Variants in ZNF277 observed in about 807,000 individuals in gnomAD.
The protein encoded by ZNF277 is zinc finger protein 277, also known as nuclear receptor-interacting factor 4.
In ZNF277, 55 loss-of-function variants were observed where a neutral mutation model predicts 60.7. That is an observed-to-expected ratio of 0.91 (90% CI 0.73 to 1.13). ZNF277 has a LOEUF of 1.13. Among genes scored for constraint, ZNF277 ranks in the 50% most tolerant of loss-of-function variants. The probability of loss-of-function intolerance (pLI) is 0.00; values close to 1 mark genes in which losing one functional copy is unlikely to be tolerated. For synonymous variants in ZNF277, 178 were observed against 179.3 expected (o/e 0.99, Z 0.06); for missense variants, 510 against 523.0 (o/e 0.98, Z 0.24).
At chr7:112,303,686 T>A (rs1792530407) in intron 4 of ZNF277, among the ~76,000 whole-genome samples, 1 of 152,136 alleles carries the variant, frequency 6.6e-6, no homozygotes, top group African/African-American at 2.4e-5. Context: ...TAGTTTCTTG[T>A]GTGTTTAACT....
At chr7:112,210,625 C>T (rs1821718442) in intron 1 of ZNF277, among the ~76,000 whole-genome samples, 1 of 151,970 alleles carries the variant, frequency 6.6e-6, no homozygotes, top group Non-Finnish European at 1.5e-5. Flanking sequence ...GCGTGTGCCA[C>T]CATGCCCAGC....
chr7:112,291,707 C>G (rs1399209401), intron 2 of ZNF277, among the ~76,000 whole-genome samples: 1 of 152,128 alleles, frequency 6.6e-6, no homozygotes, highest in Non-Finnish European at 1.5e-5. Context: ...TCTGAATGCC[C>G]ATACCATCCG....
intron 1 of ZNF277, among the ~76,000 whole-genome samples, chr7:112,235,105 ATAG>A (rs1822452428): frequency 6.6e-6 from 1 of 151,936 alleles, no homozygotes; most frequent in South Asian, 2.1e-4. Flanking sequence ...GTTTTACATC[ATAG>A]TTAGAAAAAA....
intron 4 of ZNF277, among the ~76,000 whole-genome samples, chr7:112,305,306 G>GT (rs1341452520): frequency 6.6e-6 from 1 of 152,018 alleles, no homozygotes; most frequent in Non-Finnish European, 1.5e-5. Flanking sequence ...CTCTGGAATG[G>GT]TACTACAGGC....
At chr7:112,330,894 C>T (rs954589146) in intron 7 of ZNF277, among the ~76,000 whole-genome samples, 1 of 152,004 alleles carries the variant, frequency 6.6e-6, no homozygotes, top group African/African-American at 2.4e-5. Context: ...AGAGAGACTT[C>T]TATATATTCT....
In ZNF277 at chr7:112,310,381, C is replaced by T. The variant is rs569007070; in HGVS notation, c.466-7801C>T. The stretch of plus-strand genomic sequence containing the variant: ...GGGCCATCCGAATTCTCCACACAAA[C>T]CCTTTACCTGGTGTGTTTCCCTTGT... On this transcript the variant is annotated intron_variant, in intron 4 of 11. Coordinates refer to ENST00000361822, the MANE Select transcript of ZNF277 (RefSeq NM_021994.3). Among the ~76,000 whole-genome samples the T allele has an allele frequency of 2.6e-5, 4 of 151,692 alleles. No homozygotes were observed. The South Asian group carries it at 6.2e-4, about 24-fold the overall frequency.
At chr7:112,291,992 G>T (rs911797485) in intron 2 of ZNF277, among the ~76,000 whole-genome samples, 2 of 152,072 alleles carry the variant, frequency 1.3e-5, no homozygotes, top group African/African-American at 2.4e-5. Context: ...ACACTCAAAT[G>T]ACAACTTTGT....
intron 4 of ZNF277, among the ~76,000 whole-genome samples, chr7:112,310,711 A>C (rs60445595): frequency 0.23 from 34,200 of 151,660 alleles, 4,866 homozygotes; most frequent in African/African-American, 0.4. Flanking sequence ...TTCTGTGGAG[A>C]CTTTGGGCCA....
intron 7 of ZNF277, 34 bp from the exon 8 acceptor site, chr7:112,336,070 C>T (rs763569109): frequency 6.4e-7 from 1 of 1,570,152 alleles, no homozygotes; most frequent in Non-Finnish European, 8.7e-7. Context: ...CTCTTTCCCC[C>T]AATGTCTCTC....
intron 1 of ZNF277, among the ~76,000 whole-genome samples, chr7:112,208,699 G>A (rs200641622): frequency 9.7e-5 from 1 of 10,298 alleles, no homozygotes; most frequent in Non-Finnish European, 2.3e-4. Context: ...TTTTTTTTTT[G>A]AGACGGAGTC....
chr7:112,323,565 G>C (rs1793034055), intron 5 of ZNF277, among the ~76,000 whole-genome samples: 1 of 152,182 alleles, frequency 6.6e-6, no homozygotes, highest in African/African-American at 2.4e-5. Flanking sequence ...CTGTTGTCAA[G>C]GCTATTGTGG....
chr7:112,288,876 G>C (rs1412975823), intron 2 of ZNF277: 1 of 137,660 alleles, frequency 7.3e-6, no homozygotes, highest in Non-Finnish European at 1.5e-5. Flanking sequence ...ATTTGTAGGA[G>C]AACATAGGGT....
At chr7:112,286,196 A>ACAT (rs1488074462) in intron 1 of ZNF277, among the ~76,000 whole-genome samples, 3 of 152,230 alleles carry the variant, frequency 2.0e-5, no homozygotes, top group Non-Finnish European at 4.4e-5. Flanking sequence ...AATGTTTACC[A>ACAT]CATCACATAT....
At chr7:112,330,594 T>TTGC (rs1793208534) in intron 7 of ZNF277, 5 of 193,324 alleles carry the variant, frequency 2.6e-5, no homozygotes, top group Middle Eastern at 4.0e-3. Flanking sequence ...AGATGGAGTT[T>TTGC]TGCTGTGTCG....
chr7:112,333,868 C>T (rs1321356326), intron 7 of ZNF277, among the ~76,000 whole-genome samples: 1 of 152,122 alleles, frequency 6.6e-6, no homozygotes, highest in African/African-American at 2.4e-5. Flanking sequence ...GGATAAGGTG[C>T]CAGTTAGTTT....
At chr7:112,270,939 C>A (rs1791655488) in intron 1 of ZNF277, among the ~76,000 whole-genome samples, 1 of 143,936 alleles carries the variant, frequency 6.9e-6, no homozygotes, top group Non-Finnish European at 1.5e-5. Context: ...CAAAACATAT[C>A]CCAGCCATAC....
At chr7:112,220,759 G>A (rs1461641785) in intron 1 of ZNF277, among the ~76,000 whole-genome samples, 2 of 152,116 alleles carry the variant, frequency 1.3e-5, no homozygotes, top group African/African-American at 2.4e-5. Flanking sequence ...GCTCACACCC[G>A]ACCAATCAGG....
Position 112,337,716 on chromosome 7 carries a change from CTT to C in ZNF277, c.870-9_870-8del. 1 of 1,608,080 alleles carries C rather than the reference CTT, an allele frequency of 6.2e-7. No individual in the cohort carries two copies. The highest frequency in any genetic ancestry group is 8.5e-7 in the Non-Finnish European group (1 of 1,177,334). ...AGGGAATCTCCGTATTTTCTCTCCT[CTT>C]TTTTAATTCAGTGACTGGTCTGATT... On this transcript the variant is annotated splice_polypyrimidine_tract_variant and intron_variant, in intron 8 of 11. Coordinates refer to ENST00000361822, the MANE Select transcript of ZNF277 (RefSeq NM_021994.3).
chr7:112,262,120 C>G (rs1221676914), intron 1 of ZNF277, among the ~76,000 whole-genome samples: 1 of 151,988 alleles, frequency 6.6e-6, no homozygotes, highest in African/African-American at 2.4e-5. Context: ...TCACTACTCT[C>G]AGCCAGCCTG....
Sources: allele counts gnomAD v4.1 joint callset (sites outside exome capture counted in the v4.1 genomes callset), GRCh38; gene constraint gnomAD v4.1.1; transcripts MANE v1.5; gene names NCBI Gene and HGNC (gene_info 2026-07-23, HGNC 2026-07-21).